The following CNTN5 variants were observed in gnomAD, a reference collection of about 807,000 sequenced individuals.
The protein encoded by CNTN5 is contactin-5.
In CNTN5, 77 loss-of-function variants were observed where a neutral mutation model predicts 129.1. That is an observed-to-expected ratio of 0.60 (90% CI 0.50 to 0.72). CNTN5 has a LOEUF of 0.72. Ranked by LOEUF, CNTN5 falls within the 30% of genes least tolerant of loss-of-function variation. CNTN5 has a pLI of 0.00. For synonymous variants in CNTN5, 509 were observed against 465.6 expected (o/e 1.09, Z -1.20); for missense variants, 1,478 against 1,328.8 (o/e 1.11, Z -1.75).
At chr11:100,281,572 T>C (rs956879904) in intron 18 of CNTN5, among the ~76,000 whole-genome samples, 17 of 152,192 alleles carry the variant, frequency 1.1e-4, no homozygotes, top group African/African-American at 3.9e-4. Flanking sequence ...GCATTGTTCT[T>C]TGGGTTGAAT....
At chr11:99,776,725 C>T (rs1162669714) in intron 3 of CNTN5, among the ~76,000 whole-genome samples, 1 of 151,440 alleles carries the variant, frequency 6.6e-6, no homozygotes, top group East Asian at 2.0e-4. Flanking sequence ...CTAATCAACT[C>T]ATGTGGAACA....
intron 15 of CNTN5, among the ~76,000 whole-genome samples, chr11:100,206,891 AATT>A (rs1167078889): frequency 2.0e-4 from 30 of 152,156 alleles, no homozygotes; most frequent in African/African-American, 7.2e-4. Flanking sequence ...TAAAATGTTT[AATT>A]ATTATATAAA....
At chr11:99,122,100 A>G (rs1858368668) in intron 1 of CNTN5, among the ~76,000 whole-genome samples, 1 of 151,974 alleles carries the variant, frequency 6.6e-6, no homozygotes, top group South Asian at 2.1e-4. Context: ...AGTCATTTAC[A>G]GTAGGTATAT....
intron 1 of CNTN5, among the ~76,000 whole-genome samples, chr11:99,154,283 T>G (rs1860225084): frequency 1.3e-5 from 2 of 152,174 alleles, no homozygotes; most frequent in African/African-American, 4.8e-5. Flanking sequence ...CTTGCACCAG[T>G]GGCAGCCATG....
chr11:99,851,939 C>A (rs928401561), intron 6 of CNTN5, among the ~76,000 whole-genome samples: 4 of 152,080 alleles, frequency 2.6e-5, no homozygotes, highest in African/African-American at 9.7e-5. Flanking sequence ...GTGTTTAATA[C>A]CTAATAAAAT....
intron 3 of CNTN5, among the ~76,000 whole-genome samples, chr11:99,577,196 A>G (rs1949383798): frequency 6.6e-6 from 1 of 152,206 alleles, no homozygotes. Flanking sequence ...AGAAAAAAAG[A>G]TTGCATTAGT....
chr11:99,700,893 A>T (rs1475474674), intron 3 of CNTN5, among the ~76,000 whole-genome samples: 1 of 151,296 alleles, frequency 6.6e-6, no homozygotes, highest in East Asian at 1.9e-4. Flanking sequence ...TACCTCCCCC[A>T]AAATGAGTAT....
At chr11:99,742,732 C>A (rs946498890) in intron 3 of CNTN5, among the ~76,000 whole-genome samples, 2 of 152,200 alleles carry the variant, frequency 1.3e-5, no homozygotes, top group African/African-American at 2.4e-5. Flanking sequence ...TAAAATCTGT[C>A]ATCCTGCCTA....
chr11:99,363,078 G>T (rs930666834), intron 2 of CNTN5, among the ~76,000 whole-genome samples: 10 of 151,946 alleles, frequency 6.6e-5, no homozygotes, highest in Non-Finnish European at 1.5e-4. Context: ...TTTTGATAAG[G>T]ATTGTACTCA....
chr11:99,768,397 G>A (rs991612639), intron 3 of CNTN5, among the ~76,000 whole-genome samples: 7 of 151,932 alleles, frequency 4.6e-5, no homozygotes, highest in Non-Finnish European at 7.4e-5. Flanking sequence ...ATTATAATAC[G>A]CGAAGTATTT....
At chr11:99,635,468 T>C (rs9787865) in intron 3 of CNTN5, among the ~76,000 whole-genome samples, 48,737 of 137,968 alleles carry the variant, frequency 0.35, 7,943 homozygotes, top group South Asian at 0.5. Flanking sequence ...GATGATAAAA[T>C]TGGAAATCCT....
At chr11:99,388,801 C>G (rs1264529951) in intron 2 of CNTN5, among the ~76,000 whole-genome samples, 2 of 152,100 alleles carry the variant, frequency 1.3e-5, no homozygotes, top group Admixed American at 6.6e-5. Context: ...TTTTCAACCA[C>G]TTTCTATGAT....
intron 1 of CNTN5, among the ~76,000 whole-genome samples, chr11:99,153,261 T>A (rs534690407): frequency 1.3e-5 from 2 of 152,302 alleles, no homozygotes; most frequent in East Asian, 3.9e-4. Context: ...GCTTTCTTTC[T>A]TCTTTCAGTG....
At chr11:99,984,824 A>G (rs997333006) in intron 8 of CNTN5, among the ~76,000 whole-genome samples, 1 of 152,184 alleles carries the variant, frequency 6.6e-6, no homozygotes, top group African/African-American at 2.4e-5. Context: ...GGACTAGAAC[A>G]TTGGAGCTGA....
intron 1 of CNTN5, among the ~76,000 whole-genome samples, chr11:99,109,903 G>A (rs1857708425): frequency 6.6e-6 from 1 of 151,922 alleles, no homozygotes; most frequent in Non-Finnish European, 1.5e-5. Context: ...GTTTTTCCTA[G>A]AATCTTTACT....
intron 3 of CNTN5, among the ~76,000 whole-genome samples, chr11:99,628,225 G>C (rs567040468): frequency 6.8e-6 from 1 of 147,334 alleles, no homozygotes; most frequent in Non-Finnish European, 1.5e-5. Flanking sequence ...AAACTTAGTA[G>C]TAGTATTTTT....
At chr11:100,239,691 C>G (rs1353723390) in intron 16 of CNTN5, among the ~76,000 whole-genome samples, 1 of 151,846 alleles carries the variant, frequency 6.6e-6, no homozygotes, top group Non-Finnish European at 1.5e-5. Flanking sequence ...ACAATAAAAC[C>G]GAATAGTGTG....
intron 2 of CNTN5, among the ~76,000 whole-genome samples, chr11:99,341,434 C>G (rs751569739): frequency 2.0e-5 from 3 of 152,042 alleles, no homozygotes; most frequent in Non-Finnish European, 4.4e-5. Flanking sequence ...TAGAGGTAGT[C>G]TGCAAGTATG....
intron 1 of CNTN5, among the ~76,000 whole-genome samples, chr11:99,168,798 A>C (rs2135534203): frequency 6.6e-6 from 1 of 152,374 alleles, no homozygotes; most frequent in African/African-American, 2.4e-5. Context: ...CTTACAGAAA[A>C]GCAAGCACAT....
Sources: gnomAD v4.1 joint callset for allele counts (sites outside exome capture counted in the v4.1 genomes callset) on GRCh38, gnomAD v4.1.1 for gene constraint, MANE v1.5 for transcripts, NCBI Gene and HGNC (gene_info 2026-07-23, HGNC 2026-07-21) for gene names.